The following ABCA4 variants were observed in gnomAD, a reference collection of about 807,000 sequenced individuals.
ABCA4 encodes the protein retinal-specific phospholipid-transporting ATPase ABCA4.
A neutral mutation model predicts 263.7 loss-of-function variants in ABCA4; 196 were observed. The ratio of observed to expected loss-of-function variants is 0.74; its 90% confidence interval spans 0.66 to 0.84. The LOEUF (loss-of-function observed/expected upper bound fraction) is 0.84, where lower values mean the gene tolerates loss of function less well. ABCA4 is among the 40% of genes least tolerant of loss of function. ABCA4 has a pLI of 0.00. For missense variants in ABCA4, 2,792 were observed against 2,855.1 expected (o/e 0.98, Z 0.50); for synonymous variants, 1,133 against 1,094.2 (o/e 1.04, Z -0.70).
intron 15 of ABCA4, among the ~76,000 whole-genome samples, chr1:94,055,560 C>T (rs547034353): frequency 2.0e-5 from 3 of 152,246 alleles, no homozygotes; most frequent in Non-Finnish European, 4.4e-5. Flanking sequence ...AATTCTCAGC[C>T]CAGCCCTAAT....
intron 44 of ABCA4, among the ~76,000 whole-genome samples, chr1:94,003,333 G>C (rs28437464): frequency 6.8e-6 from 1 of 147,396 alleles, no homozygotes; most frequent in African/African-American, 2.5e-5. Context: ...TGACTCTTAT[G>C]TTTTTGAAGA....
intron 13 of ABCA4, among the ~76,000 whole-genome samples, chr1:94,062,369 C>T (rs555860076): frequency 1.3e-5 from 2 of 152,220 alleles, no homozygotes; most frequent in Admixed American, 1.3e-4. Flanking sequence ...TTTTCCCTTT[C>T]CCACCACTGC....
At position 94,070,500 on chromosome 1, in the gene ABCA4, C is replaced by A. The variant is rs180995080; in HGVS notation, c.1555-7183G>T. On this transcript the variant is annotated intron_variant, in intron 11 of 49. Coordinates refer to ENST00000370225, the MANE Select transcript of ABCA4 (RefSeq NM_000350.3). ...TTCCTTGCTTAGCTGGAAAATTCAA[C>A]CTTTACAGCCCAGAGAAGCATTTAT... Among the ~76,000 whole-genome samples the A allele has an allele frequency of 1.7e-3, 263 of 152,308 alleles. 1 individual carries two copies. The highest frequency in any genetic ancestry group is 5.1e-3 in the African/African-American group (210 of 41,558).
intron 6 of ABCA4, among the ~76,000 whole-genome samples, chr1:94,089,158 G>C (rs749071896): frequency 1.3e-5 from 2 of 152,080 alleles, no homozygotes; most frequent in Non-Finnish European, 2.9e-5. Flanking sequence ...TATAGGTCTA[G>C]GTCTATGTAG....
Position 94,011,393 on chromosome 1 carries a change from A to C in ABCA4, c.5461-8T>G. The C allele has an allele frequency of 6.2e-7, 1 of 1,613,638 alleles. No individual in the cohort carries two copies. The highest frequency in any genetic ancestry group is 8.5e-7 in the Non-Finnish European group (1 of 1,179,830). Reference sequence around the variant, plus strand: ...GTTGAACCTGAGCAGCGTCTGAAACAGAGAAGTAGGACTGTTGGAAACGGG... The same window carrying C: ...GTTGAACCTGAGCAGCGTCTGAAACCGAGAAGTAGGACTGTTGGAAACGGG... On this transcript the variant is annotated splice_region_variant and splice_polypyrimidine_tract_variant and intron_variant, in intron 38 of 49. Transcript: ENST00000370225.
intron 1 of ABCA4, 46 bp downstream of exon 1, chr1:94,120,934 T>C (rs774006360): frequency 6.6e-7 from 1 of 1,508,908 alleles, no homozygotes; most frequent in South Asian, 1.1e-5. Flanking sequence ...CCAACCTGTT[T>C]ATTTGCTCCA....
intron 6 of ABCA4, among the ~76,000 whole-genome samples, chr1:94,090,080 G>A (rs1323022392): frequency 6.6e-6 from 1 of 151,992 alleles, no homozygotes; most frequent in Non-Finnish European, 1.5e-5. Flanking sequence ...TTCCACTAAT[G>A]GGCACATCTT....
chr1:94,096,854 G>A (rs115177659), intron 6 of ABCA4, among the ~76,000 whole-genome samples: 2,231 of 152,284 alleles, frequency 0.015, 63 homozygotes, highest in African/African-American at 0.051. Flanking sequence ...AGGATTGCAC[G>A]AACCTGGGTA....
intron 13 of ABCA4, 87 bp from the exon 14 acceptor site, chr1:94,060,846 AAC>A: frequency 8.8e-7 from 1 of 1,137,564 alleles, no homozygotes; most frequent in Non-Finnish European, 1.3e-6. Context: ...ATGTGTTGAG[AAC>A]AAAGCCCAGA....
At chr1:94,094,264 C>T (rs963049308) in intron 6 of ABCA4, among the ~76,000 whole-genome samples, 2 of 152,118 alleles carry the variant, frequency 1.3e-5, no homozygotes, top group Non-Finnish European at 2.9e-5. Context: ...GGGTAGGGGG[C>T]GGTCCACCCA....
At position 94,047,101 on chromosome 1, in the gene ABCA4, G is replaced by GA. The variant is rs763016325; in HGVS notation, c.2744-9dup. The GA allele has an allele frequency of 3.7e-6, 6 of 1,613,456 alleles. No homozygotes were observed. The highest frequency in any genetic ancestry group is 3.4e-6 in the Non-Finnish European group (4 of 1,179,710). ...CACGTTCAAAGAAGGAGTCTTGGAG[G>GA]AAAAAAAATGAACATGATGTAAACA... On this transcript the variant is annotated splice_polypyrimidine_tract_variant and intron_variant, in intron 18 of 49. Transcript: ENST00000370225.
rs765059735 is a variant in ABCA4 at position 94,103,074 on chromosome 1, T to A, written c.511A>T (p.Ile171Phe). ...TAGACCACTGAGTCAGACAGGCCGA[T>A]GTTTTTAATGAGAAATAGTGTCAGT... The part of the protein sequence containing the change: ...ETLTLFLIKN[I>F]GLSDSVVYLL... Residue 171 changes from isoleucine to phenylalanine, a missense_variant, in exon 5 of 50, where the codon ATC becomes TTC. Transcript: ENST00000370225. The A allele has an allele frequency of 3.1e-6, 5 of 1,614,244 alleles. No individual in the cohort carries two copies. Among genetic ancestry groups the A allele is most frequent in the East Asian group, 4.5e-5 (2 of 44,882 alleles).
chr1:94,088,666 A>T (rs964129400), intron 6 of ABCA4, among the ~76,000 whole-genome samples: 3 of 152,180 alleles, frequency 2.0e-5, no homozygotes, highest in Non-Finnish European at 4.4e-5. Flanking sequence ...AGATCCAGAA[A>T]TTGGTGCTGG....
chr1:94,075,314 A>G (rs1465485774), intron 11 of ABCA4, among the ~76,000 whole-genome samples: 1 of 152,202 alleles, frequency 6.6e-6, no homozygotes, highest in Admixed American at 6.5e-5. Context: ...CTTGTATCCC[A>G]GAACTTAAGG....
chr1:93,998,861 C>A (rs1571240747), intron 47 of ABCA4, among the ~76,000 whole-genome samples: 1 of 151,578 alleles, frequency 6.6e-6, no homozygotes, highest in Middle Eastern at 3.4e-3. Context: ...GCCTCAGTCT[C>A]CTGAGAGGCT....
chr1:94,030,906 T>A, intron 28 of ABCA4, 90 bp downstream of exon 28: 1 of 1,569,248 alleles, frequency 6.4e-7, no homozygotes, highest in Admixed American at 1.7e-5. Context: ...AAGGTCCCAG[T>A]GAAGTGGGAA....
chr1:94,102,546 C>T (rs1662311641), intron 5 of ABCA4, among the ~76,000 whole-genome samples: 1 of 152,048 alleles, frequency 6.6e-6, no homozygotes, highest in African/African-American at 2.4e-5. Context: ...ATTTTCCTTG[C>T]AGCACCCATC....
At chr1:94,035,196 TG>T (rs1334376360) in intron 26 of ABCA4, among the ~76,000 whole-genome samples, 1 of 152,268 alleles carries the variant, frequency 6.6e-6, no homozygotes, top group Non-Finnish European at 1.5e-5. Flanking sequence ...AGGAATATTC[TG>T]CACAGGTAAA....
chr1:94,046,701 C>T (rs1350753570), intron 19 of ABCA4, among the ~76,000 whole-genome samples: 1 of 152,062 alleles, frequency 6.6e-6, no homozygotes, highest in African/African-American at 2.4e-5. Flanking sequence ...TCCACTTCCC[C>T]GGCACACAAA....
Sources: gnomAD v4.1 joint callset for allele counts (sites outside exome capture counted in the v4.1 genomes callset) on GRCh38, gnomAD v4.1.1 for gene constraint, MANE v1.5 for transcripts, NCBI Gene and HGNC (gene_info 2026-07-23, HGNC 2026-07-21) for gene names.